The following TAB2 variants were observed in gnomAD, a reference collection of about 807,000 sequenced individuals.
TAB2 encodes TGF-beta-activated kinase 1 and MAP3K7-binding protein 2.
A neutral mutation model predicts 65.0 loss-of-function variants in TAB2; 3 were observed. The ratio of observed to expected loss-of-function variants is 0.05; its 90% CI spans 0.02 to 0.12. The LOEUF (loss-of-function observed/expected upper bound fraction) is 0.12, where lower values mean the gene tolerates loss of function less well. TAB2 is among the 10% of genes least tolerant of loss of function. The pLI, the probability that TAB2 is intolerant of heterozygous loss-of-function variation, is 1.00. For synonymous variants in TAB2, 298 were observed against 285.1 expected (o/e 1.05, Z -0.46); for missense variants, 623 against 840.3 (o/e 0.74, Z 3.20).
chr6:149,373,727 C>G (rs938193840), intron 2 of TAB2, among the ~76,000 whole-genome samples: 2 of 152,064 alleles, frequency 1.3e-5, no homozygotes, highest in African/African-American at 4.8e-5. Context: ...GGCTGTATAC[C>G]AAAAAGCAGT....
At chr6:149,257,113 G>C (rs973049410) in intron 1 of TAB2, among the ~76,000 whole-genome samples, 1 of 152,162 alleles carries the variant, frequency 6.6e-6, no homozygotes, top group African/African-American at 2.4e-5. Context: ...AAAACAAGCT[G>C]GGTTGCGCTT....
chr6:149,309,550 C>G (rs1455973345), intron 1 of TAB2, among the ~76,000 whole-genome samples: 1 of 152,088 alleles, frequency 6.6e-6, no homozygotes, highest in African/African-American at 2.4e-5. Context: ...GCGCCCGCCA[C>G]CACGCCCGGC....
intron 1 of TAB2, among the ~76,000 whole-genome samples, chr6:149,235,981 T>C (rs1335653304): frequency 6.6e-6 from 1 of 152,156 alleles, no homozygotes; most frequent in East Asian, 1.9e-4. Flanking sequence ...GGAGAATGGA[T>C]TTAAGGCACC....
chr6:149,247,564 A>G (rs1405595432), intron 1 of TAB2: 2 of 152,174 alleles, frequency 1.3e-5, no homozygotes, highest in Non-Finnish European at 2.9e-5. Flanking sequence ...TGCAAGTCTT[A>G]CTCATGCCTT....
At chr6:149,380,816 C>T (rs939104829) in intron 3 of TAB2, among the ~76,000 whole-genome samples, 1 of 152,210 alleles carries the variant, frequency 6.6e-6, no homozygotes, top group Admixed American at 6.5e-5. Context: ...ATTTCTGATA[C>T]AGTGATTTTA....
intron 1 of TAB2, among the ~76,000 whole-genome samples, chr6:149,279,170 A>G (rs1778528294): frequency 6.6e-6 from 1 of 152,142 alleles, no homozygotes; most frequent in Non-Finnish European, 1.5e-5. Flanking sequence ...CTCATTGCCA[A>G]ACCTTACTGG....
intron 1 of TAB2, among the ~76,000 whole-genome samples, chr6:149,238,819 G>A (rs373606659): frequency 1.1e-4 from 17 of 152,172 alleles, no homozygotes; most frequent in East Asian, 5.8e-4. Context: ...GAGCACAGCC[G>A]GATGTCCCAT....
At chr6:149,315,443 A>C (rs1460488386), upstream of TAB2, among the ~76,000 whole-genome samples, 1 of 152,220 alleles carries the variant, frequency 6.6e-6, no homozygotes, top group Non-Finnish European at 1.5e-5. Context: ...AAAATCACAT[A>C]TATCATGTTC....
rs138135422 is a variant in TAB2 at position 149,348,818 on chromosome 6, T to G, written c.-89-21091T>G. Among the ~76,000 whole-genome samples, 759 of 151,112 alleles carry G rather than the reference T, an allele frequency of 5.0e-3. 6 individuals carry two copies. Among genetic ancestry groups the G allele is most frequent in the African/African-American group, 0.018 (738 of 41,110 alleles). On this transcript the variant is annotated intron_variant, in intron 1 of 6. Transcript: ENST00000637181. ...GTCTCTACTAAAAATACAAAAAAAT[T>G]AGCCGGGGGTGGTGGCAGGCACCTG...
intron 1 of TAB2, among the ~76,000 whole-genome samples, chr6:149,233,128 G>T (rs1352959300): frequency 6.6e-6 from 1 of 152,196 alleles, no homozygotes; most frequent in Non-Finnish European, 1.5e-5. Context: ...GCACTCATGG[G>T]TGGGGACAAA....
intron 1 of TAB2, among the ~76,000 whole-genome samples, chr6:149,337,738 A>G (rs955601621): frequency 2.0e-5 from 3 of 152,188 alleles, no homozygotes; most frequent in African/African-American, 7.2e-5. Context: ...TGAAATATTT[A>G]AAGTGGTTAT....
chr6:149,405,051 C>T (rs1782617139), intron 6 of TAB2, among the ~76,000 whole-genome samples: 1 of 152,134 alleles, frequency 6.6e-6, no homozygotes, highest in Admixed American at 6.5e-5. Context: ...ATAAGGAACT[C>T]ATGCAAATCA....
chr6:149,272,800 T>C (rs972085438), intron 1 of TAB2, among the ~76,000 whole-genome samples: 4 of 152,210 alleles, frequency 2.6e-5, no homozygotes, highest in South Asian at 2.1e-4. Context: ...ATCAGGAAAG[T>C]TGGTCACGCT....
intron 1 of TAB2, among the ~76,000 whole-genome samples, chr6:149,280,266 G>A (rs537027428): frequency 6.6e-6 from 1 of 152,258 alleles, no homozygotes; most frequent in South Asian, 2.1e-4. Context: ...TGGTTGTGAA[G>A]ATTAAATGAT....
At chr6:149,372,720 C>A (rs1176221049) in intron 2 of TAB2, among the ~76,000 whole-genome samples, 2 of 152,036 alleles carry the variant, frequency 1.3e-5, no homozygotes, top group African/African-American at 2.4e-5. Context: ...AGGTAATGTA[C>A]TTTTTAGCTG....
chr6:149,227,692 A>C (rs1306241869), intron 1 of TAB2, among the ~76,000 whole-genome samples: 1 of 152,198 alleles, frequency 6.6e-6, no homozygotes, highest in East Asian at 1.9e-4. Flanking sequence ...GGCAAGATAT[A>C]AGTCATCCTT....
Position 149,357,421 on chromosome 6 carries a change from GAA to G in TAB2, c.-89-12479_-89-12478del, listed in dbSNP as rs1244546884. On this transcript the variant is annotated intron_variant, in intron 1 of 6. Transcript: ENST00000637181. ...ATAGAGGGAGACTCCGTCTCAAGGA[GAA>G]AAAAAAAACACACACACACACACAC... 8.2e-3 allele frequency among the ~76,000 whole-genome samples: 888 copies of G among 108,442 alleles called. 37 individuals carry two copies. The highest frequency in any genetic ancestry group is 0.031 in the African/African-American group (794 of 25,538). 71.1% of individuals were successfully genotyped at this position (108,442 alleles called of 152,430 possible). A position where few individuals can be genotyped will look rare whatever the true frequency, so the allele number is the denominator to read the frequency against.
At chr6:149,240,065 G>A (rs973602820) in intron 1 of TAB2, among the ~76,000 whole-genome samples, 1 of 152,206 alleles carries the variant, frequency 6.6e-6, no homozygotes, top group Admixed American at 6.5e-5. Context: ...TTCAGTTCCA[G>A]AATGCCCAGG....
chr6:149,329,161 G>A (rs557970625), intron 1 of TAB2, among the ~76,000 whole-genome samples: 1 of 152,302 alleles, frequency 6.6e-6, no homozygotes, highest in African/African-American at 2.4e-5. Flanking sequence ...TGGAAGACAA[G>A]TTCTTAAATT....
Sources: gnomAD v4.1 joint callset for allele counts (sites outside exome capture counted in the v4.1 genomes callset) on GRCh38, gnomAD v4.1.1 for gene constraint, MANE v1.5 for transcripts, NCBI Gene and HGNC (gene_info 2026-07-23, HGNC 2026-07-21) for gene names.